The following TANC1 variants were observed in gnomAD, a reference collection of about 807,000 sequenced individuals.
TANC1 encodes protein TANC1.
TANC1 carries 77 observed loss-of-function variants against 149.7 expected under a neutral mutation model. That is an observed-to-expected ratio of 0.51 (90% CI 0.43 to 0.62). TANC1 has a LOEUF of 0.62. TANC1 is among the 20% of genes least tolerant of loss of function. The pLI is 0.00. For synonymous variants in TANC1, 854 were observed against 925.0 expected (o/e 0.92, Z 1.39); for missense variants, 1,985 against 2,321.8 (o/e 0.85, Z 2.98).
intron 23 of TANC1, chr2:159,224,640 T>A (rs2059909423): frequency 5.3e-6 from 2 of 379,602 alleles, no homozygotes; most frequent in Non-Finnish European, 9.8e-6. Context: ...AACCACAGCC[T>A]CTTGCTGTGG....
intron 22 of TANC1, among the ~76,000 whole-genome samples, chr2:159,223,331 T>C (rs2059819269): frequency 6.6e-6 from 1 of 152,058 alleles, no homozygotes; most frequent in Non-Finnish European, 1.5e-5. Flanking sequence ...GCCATCGTAA[T>C]GGGTATAAGG....
chr2:159,144,213 GCA>G (rs1416410412), intron 5 of TANC1, among the ~76,000 whole-genome samples: 2 of 152,084 alleles, frequency 1.3e-5, no homozygotes, highest in Admixed American at 6.6e-5. Context: ...AATTCAGGAG[GCA>G]TTTTGAATGG....
At chr2:158,983,255 C>T (rs1430633500) in intron 1 of TANC1, among the ~76,000 whole-genome samples, 2 of 152,070 alleles carry the variant, frequency 1.3e-5, no homozygotes, top group South Asian at 2.1e-4. Flanking sequence ...ATCACGAGGT[C>T]AGGAGATCGA....
chr2:159,189,179 G>T (rs1386997232), intron 16 of TANC1, among the ~76,000 whole-genome samples: 1 of 152,254 alleles, frequency 6.6e-6, no homozygotes, highest in Non-Finnish European at 1.5e-5. Context: ...ATGAATTGTT[G>T]TTAGTGCTTT....
At chr2:159,221,242 G>A (rs1046453265) in intron 22 of TANC1, among the ~76,000 whole-genome samples, 2 of 152,066 alleles carry the variant, frequency 1.3e-5, no homozygotes, top group African/African-American at 2.4e-5. Context: ...TTAGCTGGGC[G>A]TGGTGGCGGG....
At chr2:158,969,659 T>C (rs2032543344) in intron 1 of TANC1, among the ~76,000 whole-genome samples, 2 of 152,232 alleles carry the variant, frequency 1.3e-5, no homozygotes, top group Non-Finnish European at 2.9e-5. Flanking sequence ...AAGGAAGCTC[T>C]AGGCATTGTG....
chr2:159,142,911 A>G, intron 5 of TANC1, among the ~76,000 whole-genome samples: 1 of 152,040 alleles, frequency 6.6e-6, no homozygotes, highest in Admixed American at 6.6e-5. Flanking sequence ...TAAAAATACA[A>G]AACTAACTGG....
At chr2:159,077,482 A>G (rs1205870067) in intron 3 of TANC1, among the ~76,000 whole-genome samples, 3 of 152,186 alleles carry the variant, frequency 2.0e-5, no homozygotes, top group Non-Finnish European at 4.4e-5. Flanking sequence ...TTCTTAGATG[A>G]TCATTCAAGA....
chr2:158,987,973 C>G lies in TANC1; in HGVS notation c.-125-13107C>G, dbSNP rs1388454226. Among the ~76,000 whole-genome samples, 12 of 152,200 alleles carry G rather than the reference C, an allele frequency of 7.9e-5. No homozygotes were observed. The East Asian group carries it at 2.3e-3, about 29-fold the overall frequency. On this transcript the variant is annotated intron_variant, in intron 1 of 26. Coordinates refer to ENST00000263635, the MANE Select transcript of TANC1 (RefSeq NM_033394.3). ...GCATTGCTTTACATTACCTACCTTA[C>G]TCTAATTTTCCTCCACAGTTGGAGG...
At chr2:159,089,875 C>T (rs1032890799) in intron 3 of TANC1, among the ~76,000 whole-genome samples, 1 of 152,248 alleles carries the variant, frequency 6.6e-6, no homozygotes, top group South Asian at 2.1e-4. Context: ...GCAGTGCCTA[C>T]ACACATGTCA....
At chr2:159,031,649 C>T (rs2039788898) in intron 2 of TANC1, among the ~76,000 whole-genome samples, 1 of 152,110 alleles carries the variant, frequency 6.6e-6, no homozygotes, top group Non-Finnish European at 1.5e-5. Context: ...CTTTTGAGTG[C>T]TATTACTTAT....
chr2:159,211,955 G>A lies in TANC1; in HGVS notation c.3245-5542G>A, dbSNP rs537375800. On this transcript the variant is annotated intron_variant, in intron 19 of 26. Transcript: ENST00000263635. ...ACCCAGTTGCCATGCCCGGGGTGGC[G>A]CACTCGCCCCTTGTCAGTTGCTCCA... is the stretch of plus-strand genomic sequence containing the variant. Among the ~76,000 whole-genome samples the A allele has an allele frequency of 8.0e-4, 122 of 152,324 alleles. 1 individual carries two copies. The highest frequency in any genetic ancestry group is 2.7e-3 in the African/African-American group (114 of 41,582).
chr2:158,995,648 G>T (rs1297950042), intron 1 of TANC1, among the ~76,000 whole-genome samples: 1 of 152,158 alleles, frequency 6.6e-6, no homozygotes, highest in Admixed American at 6.5e-5. Context: ...TCTTATACCT[G>T]TCTCCATTCA....
rs142443501 is a variant in TANC1, at chr2:159,140,302, A to G, written c.364+4004A>G. ...TATTTCTTAAAACCCTTTCTTTCCC[A>G]AGAGGTAACCTTGATCCTGCTTTAA... On this transcript the variant is annotated intron_variant, in intron 5 of 26. Coordinates refer to ENST00000263635, the MANE Select transcript of TANC1 (RefSeq NM_033394.3). 4.0e-3 allele frequency among the ~76,000 whole-genome samples: 614 copies of G among 152,224 alleles called. 6 individuals carry two copies. Among genetic ancestry groups the G allele is most frequent in the African/African-American group, 0.014 (588 of 41,534 alleles).
chr2:159,220,527 C>A (rs1286923498), intron 22 of TANC1, among the ~76,000 whole-genome samples: 1 of 151,772 alleles, frequency 6.6e-6, no homozygotes, highest in Non-Finnish European at 1.5e-5. Flanking sequence ...TGGTCTTGAA[C>A]TCCTGACCTC....
intron 19 of TANC1, among the ~76,000 whole-genome samples, chr2:159,202,907 A>C (rs1301797176): frequency 6.9e-6 from 1 of 145,760 alleles, no homozygotes; most frequent in East Asian, 1.9e-4. Context: ...GCTGTGAATC[A>C]GCCCAAGCCG....
intron 4 of TANC1, among the ~76,000 whole-genome samples, chr2:159,101,431 A>C (rs1228717414): frequency 6.6e-6 from 1 of 152,070 alleles, no homozygotes; most frequent in African/African-American, 2.4e-5. Flanking sequence ...GTGACCCTGC[A>C]TGTTACATGA....
intron 2 of TANC1, among the ~76,000 whole-genome samples, chr2:159,025,167 TTTC>T (rs2039168579): frequency 6.6e-6 from 1 of 151,324 alleles, no homozygotes; most frequent in Non-Finnish European, 1.5e-5. Flanking sequence ...TCTCTTTTTC[TTTC>T]TTTCTTTCTT....
At chr2:159,052,900 T>A (rs568609857) in intron 2 of TANC1, among the ~76,000 whole-genome samples, 1 of 152,264 alleles carries the variant, frequency 6.6e-6, no homozygotes, top group East Asian at 1.9e-4. Flanking sequence ...AAGCATACTT[T>A]AGTGTATCAG....
Sources: allele counts gnomAD v4.1 joint callset (sites outside exome capture counted in the v4.1 genomes callset), GRCh38; gene constraint gnomAD v4.1.1; transcripts MANE v1.5; gene names NCBI Gene and HGNC (gene_info 2026-07-23, HGNC 2026-07-21).